Variants in OPRM1 observed in about 807,000 individuals in gnomAD.
The protein encoded by OPRM1 is opioid receptor mu 1.
Under a neutral mutation model 31.8 loss-of-function variants are expected in OPRM1, and 27 were observed. The observed-to-expected ratio is 0.85, with a 90% CI of 0.63 to 1.17. The LOEUF (loss-of-function observed/expected upper bound fraction) is 1.17, where lower values mean the gene tolerates loss of function less well. Among genes scored for constraint, OPRM1 ranks in the 50% most tolerant of loss-of-function variants. The pLI is 0.00. For synonymous variants in OPRM1, 196 were observed against 189.9 expected (o/e 1.03, Z -0.26); for missense variants, 536 against 511.1 (o/e 1.05, Z -0.47).
intron 3 of OPRM1, among the ~76,000 whole-genome samples, chr6:154,243,556 C>T (rs543842517): frequency 6.6e-6 from 1 of 152,132 alleles, no homozygotes; most frequent in African/African-American, 2.4e-5. Flanking sequence ...CAGGCAATGA[C>T]GGAGAGAGAA....
At chr6:154,086,774 G>C (rs937431474) in intron 1 of OPRM1, 5 of 985,280 alleles carry the variant, frequency 5.1e-6, no homozygotes, top group Non-Finnish European at 6.0e-6. Flanking sequence ...GGTCTGCTGG[G>C]TAGGAAAGTG....
At chr6:154,070,267 A>T (rs1487341174) in intron 1 of OPRM1, among the ~76,000 whole-genome samples, 1 of 152,248 alleles carries the variant, frequency 6.6e-6, no homozygotes, top group Non-Finnish European at 1.5e-5. Context: ...GTAAGAGCAG[A>T]AATTAACCAA....
intron 3 of OPRM1, among the ~76,000 whole-genome samples, chr6:154,109,790 CTCTGTGTGTG>C (rs1278424978): frequency 6.5e-5 from 5 of 76,982 alleles, no homozygotes; most frequent in Admixed American, 1.5e-4. Flanking sequence ...CTCTCTCTCT[CTCTGTGTGTG>C]TGTGTGTGTG....
upstream of OPRM1, among the ~76,000 whole-genome samples, chr6:154,036,805 A>C (rs961054813): frequency 6.6e-5 from 10 of 151,936 alleles, no homozygotes; most frequent in African/African-American, 2.2e-4. Flanking sequence ...ATGGCATAAA[A>C]TATATGCTAA....
Position 154,159,738 on chromosome 6 carries a change from G to C in OPRM1, c.1164+68266G>C, listed in dbSNP as rs148156101. On this transcript the variant is annotated intron_variant, in intron 3 of 3. Coordinates refer to the OPRM1 transcript ENST00000337049. ...CTGATGCTTGAAGGACTGGGTTTCA[G>C]TTTTCCTTTTAAGGAAAAATGTAAG... 153 of 1,012,660 alleles carry C rather than the reference G, an allele frequency of 1.5e-4. 1 individual carries two copies. The African/African-American group carries it at 2.2e-3, about 15-fold the overall frequency. 62.7% of individuals were successfully genotyped at this position (1,012,660 alleles called of 1,614,324 possible).
chr6:154,168,411 T>TCCCTGCATGCATGTC lies in OPRM1; in HGVS notation c.1164+76940_1164+76954dup, dbSNP rs1799607263. Among the ~76,000 whole-genome samples, 2 of 152,040 alleles carry TCCCTGCATGCATGTC rather than the reference T, an allele frequency of 1.3e-5. No individual in the cohort carries two copies. On this transcript the variant is annotated intron_variant, in intron 3 of 3. Transcript: ENST00000337049. The surrounding 1 kb of genome is among the most constrained non-coding windows in gnomAD (Gnocchi z 4.1). ...TAACTCCAATATTCACATGGGGTGT[T>TCCCTGCATGCATGTC]CCCTGCATGCATGTCTCTGTGTCCA...
chr6:154,030,550 A>G (rs1424656599), intron 1 of OPRM1, among the ~76,000 whole-genome samples: 1 of 152,216 alleles, frequency 6.6e-6, no homozygotes, highest in Non-Finnish European at 1.5e-5. Flanking sequence ...AAACAGAGTA[A>G]TAGAAAATAT....
chr6:154,180,977 A>G (rs188683410), intron 3 of OPRM1, among the ~76,000 whole-genome samples: 27 of 152,242 alleles, frequency 1.8e-4, no homozygotes, highest in African/African-American at 6.5e-4. Context: ...TCACCAAGAG[A>G]AGAAAAAACT....
chr6:154,148,561 CTG>C (rs900370058), intron 3 of OPRM1, among the ~76,000 whole-genome samples: 2 of 152,172 alleles, frequency 1.3e-5, no homozygotes, highest in Admixed American at 1.3e-4. Context: ...GTCATCCTGC[CTG>C]TGTGCTTCTT....
chr6:154,034,114 A>G (rs527567420), upstream of OPRM1, among the ~76,000 whole-genome samples: 1 of 152,250 alleles, frequency 6.6e-6, no homozygotes, highest in African/African-American at 2.4e-5. Flanking sequence ...AAATCTGTGT[A>G]TGATGAAATG....
At chr6:154,189,127 C>CA (rs1801636554) in intron 3 of OPRM1, among the ~76,000 whole-genome samples, 1 of 151,776 alleles carries the variant, frequency 6.6e-6, no homozygotes, top group Non-Finnish European at 1.5e-5. Context: ...ATTGGAAAAA[C>CA]AAAAAAACAC....
upstream of OPRM1, among the ~76,000 whole-genome samples, chr6:154,037,887 C>G (rs1439148800): frequency 1.3e-5 from 2 of 152,078 alleles, no homozygotes; most frequent in African/African-American, 4.8e-5. Flanking sequence ...GTCTTGTCTT[C>G]CACATGAACT....
chr6:154,061,213 A>C (rs59151504), intron 1 of OPRM1, among the ~76,000 whole-genome samples: 67 of 152,266 alleles, frequency 4.4e-4, no homozygotes, highest in African/African-American at 1.6e-3. Context: ...GTCCCCAGTA[A>C]GTGAATTAAA....
intron 3 of OPRM1, among the ~76,000 whole-genome samples, chr6:154,146,869 G>A (rs1172642300): frequency 6.6e-6 from 1 of 152,136 alleles, no homozygotes; most frequent in Non-Finnish European, 1.5e-5. Flanking sequence ...CATTGAGGAG[G>A]GAATCTCAGA....
chr6:154,214,952 G>A (rs1368682006), intron 3 of OPRM1, among the ~76,000 whole-genome samples: 1 of 152,138 alleles, frequency 6.6e-6, no homozygotes, highest in Non-Finnish European at 1.5e-5. Context: ...CCTTCTCAAG[G>A]GTTTACTTAG....
chr6:154,169,951 G>T (rs918610089), intron 3 of OPRM1, among the ~76,000 whole-genome samples: 2 of 152,138 alleles, frequency 1.3e-5, no homozygotes, highest in African/African-American at 4.8e-5. Flanking sequence ...AGTATCCCAA[G>T]AATAATGATA....
intron 3 of OPRM1, among the ~76,000 whole-genome samples, chr6:154,183,584 C>G (rs1289946280): frequency 2.0e-5 from 3 of 152,180 alleles, no homozygotes; most frequent in Non-Finnish European, 4.4e-5. Context: ...TATGTTCTAA[C>G]TACCATACTG....
intron 1 of OPRM1, among the ~76,000 whole-genome samples, chr6:154,086,053 G>C (rs1352774212): frequency 6.6e-6 from 1 of 152,006 alleles, no homozygotes; most frequent in African/African-American, 2.4e-5. Context: ...GACCAGGCTG[G>C]TCTCCTTCCC....
intron 3 of OPRM1, among the ~76,000 whole-genome samples, chr6:154,235,894 A>G (rs1780092545): frequency 6.6e-6 from 1 of 152,236 alleles, no homozygotes; most frequent in Non-Finnish European, 1.5e-5. Context: ...TAATTAATTA[A>G]GTGACAAGCA....
Sources: gnomAD v4.1 joint callset for allele counts (sites outside exome capture counted in the v4.1 genomes callset) on GRCh38, gnomAD v4.1.1 for gene constraint, Gnocchi (gnomAD v3.1) non-coding constraint, MANE v1.5 for transcripts, NCBI Gene and HGNC (gene_info 2026-07-23, HGNC 2026-07-21) for gene names.